SPATA13: variants seen among roughly 807,000 people sequenced by gnomAD.
SPATA13 encodes spermatogenesis-associated protein 13.
SPATA13 carries 50 observed loss-of-function variants against 104.0 expected under a neutral mutation model. The ratio of observed to expected loss-of-function variants is 0.48; its 90% confidence interval spans 0.38 to 0.61. The LOEUF (loss-of-function observed/expected upper bound fraction) is 0.61. Among genes scored for constraint, SPATA13 ranks in the 20% least tolerant of loss-of-function variants. The probability of loss-of-function intolerance (pLI) is 0.00; values close to 1 mark genes in which losing one functional copy is unlikely to be tolerated. For synonymous variants in SPATA13, 606 were observed against 667.5 expected, an observed-to-expected ratio of 0.91 and a Z score of 1.42; for missense variants, 1,524 against 1,690.6, an observed-to-expected ratio of 0.90 and a Z score of 1.73.
intron 3 of SPATA13, among the ~76,000 whole-genome samples, chr13:24,089,851 G>T (rs182346255): frequency 6.6e-6 from 1 of 152,306 alleles, no homozygotes; most frequent in African/African-American, 2.4e-5. Flanking sequence ...AGCAGGTTTG[G>T]TGTTTGGTGA....
At chr13:24,201,214 T>G (rs749069160) in intron 1 of SPATA13, among the ~76,000 whole-genome samples, 5 of 152,156 alleles carry the variant, frequency 3.3e-5, no homozygotes, top group African/African-American at 9.7e-5. Flanking sequence ...CCCCCTGTCA[T>G]GTGTACAAAG....
chr13:24,086,560 T>G (rs979553883), intron 3 of SPATA13, among the ~76,000 whole-genome samples: 5 of 152,114 alleles, frequency 3.3e-5, no homozygotes, highest in Non-Finnish European at 5.9e-5. Context: ...TCTGTAGCCT[T>G]GGGGACTGGC....
Position 24,287,000 on chromosome 13 carries a change from T to TG in SPATA13, c.2667+51dup. 1 of 1,547,586 alleles carries TG rather than the reference T, an allele frequency of 6.5e-7. No homozygotes were observed. The highest frequency in any genetic ancestry group is 8.8e-7 in the Non-Finnish European group (1 of 1,132,338). ...CTGAGGGTCACAGTATGAGGCTGCA[T>TG]GAGGTGCCTGGGCTTTCTCCCCACC... is the stretch of plus-strand genomic sequence containing the variant. On this transcript the variant is annotated intron_variant, in intron 7 of 12. Coordinates refer to ENST00000382108, the MANE Select transcript of SPATA13 (RefSeq NM_001166271.3). This position sits in a 1 kb window ranked among gnomAD's most constrained non-coding sequence, Gnocchi z 4.9.
At chr13:24,206,363 T>C (rs1038239600) in intron 1 of SPATA13, among the ~76,000 whole-genome samples, 2 of 152,166 alleles carry the variant, frequency 1.3e-5, no homozygotes, top group African/African-American at 4.8e-5. Context: ...CAGAATGAGA[T>C]ACCATCTCAC....
At chr13:24,004,583 C>T (rs1054361832) in intron 2 of SPATA13, among the ~76,000 whole-genome samples, 2 of 152,126 alleles carry the variant, frequency 1.3e-5, no homozygotes, top group African/African-American at 2.4e-5. Context: ...GGGAGTTCTC[C>T]TGGGTGTCCT....
chr13:24,124,329 A>C (rs1302914299), intron 3 of SPATA13, among the ~76,000 whole-genome samples: 1 of 152,150 alleles, frequency 6.6e-6, no homozygotes, highest in Non-Finnish European at 1.5e-5. Context: ...TAACAGCCAC[A>C]CTTCTTTCTC....
In SPATA13 at chr13:23,993,970, G is replaced by GT. The variant is rs34371369; in HGVS notation, c.-147+10052dup. On this transcript the variant is annotated intron_variant, in intron 2 of 14. Transcript: ENST00000424834. Reference sequence around the variant, plus strand: ...GGAAGTGGTGGGTGATGGTGGTGGTGTTTTTTTTTTTTTTTCTTTTTTTTT... The same window carrying GT: ...GGAAGTGGTGGGTGATGGTGGTGGTGTTTTTTTTTTTTTTTTCTTTTTTTTT... 1.1e-3 allele frequency among the ~76,000 whole-genome samples: 148 copies of GT among 134,530 alleles called. 2 individuals are homozygous for GT. Among genetic ancestry groups the GT allele is most frequent in the South Asian group, 2.3e-3 (10 of 4,306 alleles). 88.3% of individuals were successfully genotyped at this position (134,530 alleles called of 152,430 possible). A position where few individuals can be genotyped will look rare whatever the true frequency, so the allele number is the denominator to read the frequency against.
intron 2 of SPATA13, among the ~76,000 whole-genome samples, chr13:24,003,083 G>A (rs1255435754): frequency 2.0e-5 from 3 of 152,120 alleles, no homozygotes; most frequent in African/African-American, 7.2e-5. Flanking sequence ...CCGAACTACA[G>A]CATTTGCCCT....
intron 2 of SPATA13, among the ~76,000 whole-genome samples, chr13:24,006,215 C>T (rs1366872429): frequency 6.6e-6 from 1 of 152,126 alleles, no homozygotes; most frequent in African/African-American, 2.4e-5. Context: ...TGTCAGTGTT[C>T]ATTAGTGGTT....
chr13:24,232,880 T>C (rs1322713494), intron 2 of SPATA13, among the ~76,000 whole-genome samples: 1 of 152,206 alleles, frequency 6.6e-6, no homozygotes, highest in Non-Finnish European at 1.5e-5. Flanking sequence ...AGAGTCAAAA[T>C]TCTTAGTTTT....
chr13:24,302,497 C>CTGAGA (rs1877269095), intron 12 of SPATA13, 101 bp from the exon 13 acceptor site: 5 of 412,474 alleles, frequency 1.2e-5, no homozygotes, highest in Non-Finnish European at 2.3e-5. Flanking sequence ...AAAGAATTAG[C>CTGAGA]TGAGAACTTG....
In SPATA13 at chr13:24,222,891, CTGG is replaced by C; in HGVS notation, c.-38_-36del. ...GGACGGCATTCCTGGAGATGAAGGC[CTGG>C]AGCTGCGGTCTGCGGACTCGGCAGT... is the stretch of plus-strand genomic sequence containing the variant. On this transcript the variant is annotated 5_prime_UTR_variant, in exon 2 of 13. Transcript: ENST00000382108. 1 of 1,548,868 alleles carries C rather than the reference CTGG, an allele frequency of 6.5e-7. No individual in the cohort carries two copies. Among genetic ancestry groups the C allele is most frequent in the Non-Finnish European group, 8.7e-7 (1 of 1,145,416 alleles).
chr13:24,234,402 T>C (rs371753463), intron 2 of SPATA13, among the ~76,000 whole-genome samples: 1 of 152,158 alleles, frequency 6.6e-6, no homozygotes, highest in African/African-American at 2.4e-5. Context: ...AGAAACTGAT[T>C]TCAGTATACG....
chr13:24,237,292 G>C (rs897004161), intron 2 of SPATA13, among the ~76,000 whole-genome samples: 1 of 152,134 alleles, frequency 6.6e-6, no homozygotes, highest in African/African-American at 2.4e-5. Flanking sequence ...GAACCCAGGG[G>C]GTGGAGGTTG....
At chr13:24,028,832 C>T (rs1047438962) in intron 3 of SPATA13, among the ~76,000 whole-genome samples, 16 of 151,988 alleles carry the variant, frequency 1.1e-4, no homozygotes, top group African/African-American at 3.9e-4. Context: ...AATTATATTT[C>T]TCTATTTTAA....
intron 3 of SPATA13, among the ~76,000 whole-genome samples, chr13:24,050,444 C>T (rs902320780): frequency 1.3e-5 from 2 of 152,084 alleles, no homozygotes; most frequent in Non-Finnish European, 2.9e-5. Flanking sequence ...ACAAAAACAG[C>T]ACGGATGGGC....
At position 24,297,716 on chromosome 13, in the gene SPATA13, G is replaced by A; in HGVS notation, c.3564G>A (p.Val1188=). 6.2e-7 allele frequency: 1 copy of A among 1,612,498 alleles called. No homozygotes were observed. The highest frequency in any genetic ancestry group is 8.5e-7 in the Non-Finnish European group (1 of 1,178,872). ...LQACADERRR[V]QEDKEMGMEI... ...CCTGTGCAGATGAAAGGAGGCGGGT[G>A]CAAGAGGACAAGGAGATGGGTGAGC... The change falls in exon 11 of 13, where the codon GTG becomes GTA. Residue 1188 remains valine, a synonymous_variant. Transcript: ENST00000382108.
In SPATA13 at chr13:24,051,937, C is replaced by A. The variant is rs1392694541; in HGVS notation, c.-112+34236C>A. ...GCCCCGGCCCACCCCTGCAGCTCCT[C>A]ACCAGGTTCAGACGTCCTGGCTCTG... is the stretch of plus-strand genomic sequence containing the variant. On this transcript the variant is annotated intron_variant, in intron 3 of 14. Coordinates refer to the SPATA13 transcript ENST00000424834. This position sits in a 1 kb window ranked among gnomAD's most constrained non-coding sequence, Gnocchi z 4.2. 6.6e-6 allele frequency among the ~76,000 whole-genome samples: 1 copy of A among 152,194 alleles called. No individual in the cohort carries two copies. The highest frequency in any genetic ancestry group is 1.5e-5 in the Non-Finnish European group (1 of 68,046).
At chr13:24,126,840 A>T (rs542807203) in intron 3 of SPATA13, among the ~76,000 whole-genome samples, 2 of 152,300 alleles carry the variant, frequency 1.3e-5, no homozygotes, top group South Asian at 2.1e-4. Context: ...GGTTACAGGC[A>T]TGAGCCACTG....
Sources: allele counts gnomAD v4.1 joint callset (sites outside exome capture counted in the v4.1 genomes callset), GRCh38; gene constraint gnomAD v4.1.1; non-coding constraint Gnocchi (gnomAD v3.1); transcripts MANE v1.5; gene names NCBI Gene and HGNC (gene_info 2026-07-23, HGNC 2026-07-21).